Variants in ARHGAP32 observed in about 807,000 individuals in gnomAD.
The protein encoded by ARHGAP32 is rho GTPase-activating protein 32.
ARHGAP32 carries 51 observed loss-of-function variants against 186.5 expected under a neutral mutation model. The ratio of observed to expected loss-of-function variants is 0.27; its 90% CI spans 0.22 to 0.35. The LOEUF (loss-of-function observed/expected upper bound fraction) is 0.35, where lower values mean the gene tolerates loss of function less well. Ranked by LOEUF, ARHGAP32 falls within the 10% of genes least tolerant of loss-of-function variation. The pLI is 1.00. For synonymous variants in ARHGAP32, 950 were observed against 964.3 expected, an observed-to-expected ratio of 0.99 and a Z score of 0.27; for missense variants, 2,186 against 2,623.5, an observed-to-expected ratio of 0.83 and a Z score of 3.64.
chr11:129,129,756 C>G (rs2135400145), intron 2 of ARHGAP32, among the ~76,000 whole-genome samples: 1 of 152,316 alleles, frequency 6.6e-6, no homozygotes, highest in South Asian at 2.1e-4. Flanking sequence ...ATTCACACTG[C>G]TACCAAGTAT....
intron 5 of ARHGAP32, among the ~76,000 whole-genome samples, chr11:129,110,682 T>C (rs556605991): frequency 6.6e-6 from 1 of 152,316 alleles, no homozygotes; most frequent in Admixed American, 6.5e-5. Flanking sequence ...TCCTAGGTTT[T>C]TTGTTTAGTT....
chr11:129,073,758 A>C (rs535193025), intron 6 of ARHGAP32, among the ~76,000 whole-genome samples: 2 of 149,924 alleles, frequency 1.3e-5, no homozygotes, highest in Admixed American at 6.6e-5. Flanking sequence ...CCTCAAAAAA[A>C]AAACAAACAA....
intron 2 of ARHGAP32, 77 bp downstream of exon 2, chr11:129,164,242 C>A: frequency 1.1e-6 from 1 of 907,284 alleles, no homozygotes; most frequent in Non-Finnish European, 1.6e-6. Flanking sequence ...GTAATGTGTC[C>A]TCAGTTCCTT....
intron 1 of ARHGAP32, among the ~76,000 whole-genome samples, chr11:129,268,452 C>T (rs578021375): frequency 2.0e-4 from 31 of 151,918 alleles, no homozygotes; most frequent in Non-Finnish European, 2.2e-4. Flanking sequence ...AGGGTAAGTA[C>T]CTCCCAAGGA....
chr11:129,119,058 A>T (rs1207635699), intron 5 of ARHGAP32, among the ~76,000 whole-genome samples: 1 of 151,948 alleles, frequency 6.6e-6, no homozygotes, highest in East Asian at 1.9e-4. Flanking sequence ...GCATGGTACA[A>T]CCTATCCTCC....
At chr11:129,174,809 G>C (rs996214972) in intron 1 of ARHGAP32, among the ~76,000 whole-genome samples, 1 of 151,368 alleles carries the variant, frequency 6.6e-6, no homozygotes, top group Non-Finnish European at 1.5e-5. Context: ...CATCATCAAA[G>C]ACCAAAAGTA....
chr11:129,178,613 G>A (rs1248876558), intron 1 of ARHGAP32, among the ~76,000 whole-genome samples: 6 of 151,862 alleles, frequency 4.0e-5, no homozygotes, highest in Non-Finnish European at 8.8e-5. Flanking sequence ...CAATGGAACA[G>A]AACAGAGCCC....
intron 19 of ARHGAP32, among the ~76,000 whole-genome samples, chr11:128,977,274 G>C (rs950102219): frequency 6.6e-6 from 1 of 152,196 alleles, no homozygotes; most frequent in African/African-American, 2.4e-5. Flanking sequence ...ACTAACACAG[G>C]TAACTTTACG....
chr11:129,124,861 C>T lies in ARHGAP32; in HGVS notation c.259G>A (p.Asp87Asn). ...RGADVPEIPG[D>N]LTLKTCGSTA... ...CTGCCACACGTCTTAAGAGTAAGAT[C>T]TCCAGGAATCTCTGGAACATCTGCG... Residue 87 changes from aspartate to asparagine, a missense_variant, in exon 3 of 23, where the codon GAT becomes AAT. Coordinates refer to ENST00000682385, the MANE Select transcript of ARHGAP32 (RefSeq NM_001378024.1). The T allele has an allele frequency of 6.2e-7, 1 of 1,611,152 alleles. No homozygotes were observed. The highest frequency in any genetic ancestry group is 8.5e-7 in the Non-Finnish European group (1 of 1,178,592).
intron 11 of ARHGAP32, among the ~76,000 whole-genome samples, chr11:129,008,680 T>C (rs1011359552): frequency 1.3e-5 from 2 of 152,236 alleles, no homozygotes; most frequent in Admixed American, 6.5e-5. Context: ...TTATTTTCTA[T>C]ACCACCTGTT....
intron 1 of ARHGAP32, among the ~76,000 whole-genome samples, chr11:129,231,126 G>A (rs551575707): frequency 3.3e-5 from 5 of 152,014 alleles, no homozygotes; most frequent in South Asian, 4.2e-4. Flanking sequence ...AGAGTAAGAC[G>A]CCATCTCAAA....
chr11:129,110,040 T>A (rs1244849205), intron 5 of ARHGAP32, among the ~76,000 whole-genome samples: 1 of 152,158 alleles, frequency 6.6e-6, no homozygotes, highest in Non-Finnish European at 1.5e-5. Flanking sequence ...CAGAAGTGTT[T>A]CCCCTGTTTT....
chr11:128,988,520 T>C (rs1320834568), intron 12 of ARHGAP32, among the ~76,000 whole-genome samples: 5 of 152,234 alleles, frequency 3.3e-5, no homozygotes, highest in East Asian at 1.9e-4. Flanking sequence ...CTTTCATATA[T>C]AGCAAATGAA....
intron 1 of ARHGAP32, among the ~76,000 whole-genome samples, chr11:129,212,259 C>T (rs1223206181): frequency 6.6e-6 from 1 of 152,004 alleles, no homozygotes; most frequent in Non-Finnish European, 1.5e-5. Flanking sequence ...TGTTCATTAG[C>T]CATATATGAT....
intron 6 of ARHGAP32, among the ~76,000 whole-genome samples, chr11:129,080,560 A>G (rs1172865291): frequency 6.6e-6 from 1 of 152,190 alleles, no homozygotes; most frequent in Non-Finnish European, 1.5e-5. Context: ...CTGAACGATA[A>G]CAGAGACACA....
At chr11:129,149,230 GGAA>G (rs1483794424) in intron 2 of ARHGAP32, among the ~76,000 whole-genome samples, 5 of 152,212 alleles carry the variant, frequency 3.3e-5, no homozygotes, top group African/African-American at 1.2e-4. Context: ...CTTGCTGCCA[GGAA>G]GAAGAAGACA....
chr11:129,155,873 C>T (rs1193893851), intron 2 of ARHGAP32, among the ~76,000 whole-genome samples: 1 of 152,096 alleles, frequency 6.6e-6, no homozygotes, highest in Non-Finnish European at 1.5e-5. Context: ...AACTGCAGGA[C>T]TCGACCCATC....
intron 1 of ARHGAP32, among the ~76,000 whole-genome samples, chr11:129,181,946 A>G (rs1291140679): frequency 1.3e-5 from 2 of 152,178 alleles, no homozygotes; most frequent in African/African-American, 4.8e-5. Flanking sequence ...ATATATTCAC[A>G]CATAAATTAT....
chr11:128,999,143 C>T (rs569436609), intron 11 of ARHGAP32, among the ~76,000 whole-genome samples: 3 of 152,256 alleles, frequency 2.0e-5, no homozygotes, highest in South Asian at 4.1e-4. Flanking sequence ...GGAGAAATAT[C>T]GCTGAATTCT....
Sources: gnomAD v4.1 joint callset for allele counts (sites outside exome capture counted in the v4.1 genomes callset) on GRCh38, gnomAD v4.1.1 for gene constraint, MANE v1.5 for transcripts, NCBI Gene and HGNC (gene_info 2026-07-23, HGNC 2026-07-21) for gene names.